SCAMP1: variants seen among roughly 807,000 people sequenced by gnomAD.
SCAMP1 encodes secretory carrier membrane protein 1, also known as secretory carrier-associated membrane protein 1.
A neutral mutation model predicts 41.8 loss-of-function variants in SCAMP1; 15 were observed. The ratio of observed to expected loss-of-function variants is 0.36; its 90% CI spans 0.24 to 0.55. The LOEUF is 0.55. Among genes scored for constraint, SCAMP1 ranks in the 20% least tolerant of loss-of-function variants. The probability of loss-of-function intolerance (pLI) is 0.86; values close to 1 mark genes in which losing one functional copy is unlikely to be tolerated. For missense variants in SCAMP1, 341 were observed against 412.6 expected (o/e 0.83, Z 1.50); for synonymous variants, 135 against 136.8 (o/e 0.99, Z 0.09).
At chr5:78,376,427 T>A (rs1207564232) in intron 1 of SCAMP1, among the ~76,000 whole-genome samples, 1 of 152,216 alleles carries the variant, frequency 6.6e-6, no homozygotes, top group East Asian at 1.9e-4. Flanking sequence ...AATGCATTAC[T>A]ACAACAGTAG....
intron 1 of SCAMP1, among the ~76,000 whole-genome samples, chr5:78,362,977 C>G (rs1750696705): frequency 6.7e-6 from 1 of 150,166 alleles, no homozygotes; most frequent in Non-Finnish European, 1.5e-5. Flanking sequence ...ACCACAACCT[C>G]TGCCTCCCGT....
chr5:78,443,002 C>T (rs532213083), intron 6 of SCAMP1, among the ~76,000 whole-genome samples: 6 of 152,116 alleles, frequency 3.9e-5, no homozygotes, highest in Non-Finnish European at 8.8e-5. Context: ...GTCAGGAGTT[C>T]GAGACCATCT....
chr5:78,416,100 A>G (rs1179912348), intron 3 of SCAMP1, among the ~76,000 whole-genome samples: 2 of 152,198 alleles, frequency 1.3e-5, no homozygotes, highest in Admixed American at 1.3e-4. Context: ...ATAACATTTA[A>G]GATATTAGAA....
At chr5:78,450,251 T>G (rs1443176612) in intron 7 of SCAMP1, among the ~76,000 whole-genome samples, 1 of 152,154 alleles carries the variant, frequency 6.6e-6, no homozygotes, top group Non-Finnish European at 1.5e-5. Context: ...ACAGCACATT[T>G]TTTCTAGTTT....
rs542740393 is a variant in SCAMP1 at position 78,478,590 on chromosome 5, G to T, written c.*2922G>T. On this transcript the variant is annotated 3_prime_UTR_variant, in exon 9 of 9. Coordinates refer to ENST00000621999, the MANE Select transcript of SCAMP1 (RefSeq NM_004866.6). ...ATTCAAAATGGAAAACCTATTCATG[G>T]CTCAGATTTTTCATTGTGGGTTAAA... 1 of 152,154 alleles carries T rather than the reference G, an allele frequency of 6.6e-6. No homozygotes were observed. The highest frequency in any genetic ancestry group is 2.4e-5 in the African/African-American group (1 of 41,532). 9.4% of individuals were successfully genotyped at this position (152,154 alleles called of 1,614,324 possible).
rs769304563 is a variant in SCAMP1, at chr5:78,477,987, C to T, written c.*2319C>T. ...AAATGGTCTTCACACAGCAGTCATC[C>T]GTGTCATTTATCATTTTGTAATATT... On this transcript the variant is annotated 3_prime_UTR_variant, in exon 9 of 9. Transcript: ENST00000621999. The T allele has an allele frequency of 1.3e-5, 2 of 152,070 alleles. No individual in the cohort carries two copies. The highest frequency in any genetic ancestry group is 2.9e-5 in the Non-Finnish European group (2 of 67,960). 9.4% of individuals were successfully genotyped at this position (152,070 alleles called of 1,614,324 possible). A position where few individuals can be genotyped will look rare whatever the true frequency, so the allele number is the denominator to read the frequency against.
rs1754010968 is a variant in SCAMP1 at position 78,476,617 on chromosome 5, A to G, written c.*949A>G. Reference sequence around the variant, plus strand: ...TGTGTGTGTGATTTTTAACAGAGGTATTAAAGGCTAGCCTAACTGTTGTCT... The same window carrying G: ...TGTGTGTGTGATTTTTAACAGAGGTGTTAAAGGCTAGCCTAACTGTTGTCT... On this transcript the variant is annotated 3_prime_UTR_variant, in exon 9 of 9. Coordinates refer to ENST00000621999, the MANE Select transcript of SCAMP1 (RefSeq NM_004866.6). The G allele has an allele frequency of 6.6e-6, 1 of 152,492 alleles. No individual in the cohort carries two copies. The highest frequency in any genetic ancestry group is 2.1e-4 in the South Asian group (1 of 4,828). The allele number at this position is 152,492 out of a possible 1,614,324, so 9.4% of individuals were successfully genotyped here.
intron 8 of SCAMP1, among the ~76,000 whole-genome samples, chr5:78,460,886 C>T (rs943542395): frequency 9.3e-5 from 14 of 150,038 alleles, no homozygotes; most frequent in Admixed American, 6.6e-5. Context: ...AAGAGAGTCT[C>T]ACTCTGTCAC....
At position 78,361,228 on chromosome 5, in the gene SCAMP1, G is replaced by A. The variant is rs1048206565; in HGVS notation, c.57+500G>A. On this transcript the variant is annotated intron_variant, in intron 1 of 8. Coordinates refer to ENST00000621999, the MANE Select transcript of SCAMP1 (RefSeq NM_004866.6). ...GAGAGGTGAGGGCACCGAGTATGCT[G>A]CAATTAAAAAAAAAAAGGTTATGTT... Among the ~76,000 whole-genome samples, 8 of 93,576 alleles carry A rather than the reference G, an allele frequency of 8.5e-5. No homozygotes were observed. The South Asian group carries it at 2.0e-3, about 23-fold the overall frequency. 61.4% of individuals were successfully genotyped at this position (93,576 alleles called of 152,430 possible).
At chr5:78,401,240 T>A (rs1033311187) in intron 2 of SCAMP1, among the ~76,000 whole-genome samples, 1 of 152,168 alleles carries the variant, frequency 6.6e-6, no homozygotes, top group Non-Finnish European at 1.5e-5. Context: ...TTCAATCTGC[T>A]GATATTTTGT....
intron 2 of SCAMP1, among the ~76,000 whole-genome samples, chr5:78,410,161 C>T (rs1752038105): frequency 6.7e-6 from 1 of 150,048 alleles, no homozygotes; most frequent in African/African-American, 2.5e-5. Context: ...GGTACATGTG[C>T]AGGATGTGTA....
intron 1 of SCAMP1, among the ~76,000 whole-genome samples, chr5:78,362,644 C>T (rs1047221322): frequency 1.2e-4 from 19 of 152,186 alleles, no homozygotes; most frequent in Non-Finnish European, 8.8e-5. Context: ...ACACATATTT[C>T]TGCTTATGAT....
chr5:78,465,860 A>G (rs1307762372), intron 8 of SCAMP1, among the ~76,000 whole-genome samples: 1 of 152,220 alleles, frequency 6.6e-6, no homozygotes, highest in East Asian at 1.9e-4. Context: ...TCCTCAGAGG[A>G]ACTCCAGTTG....
intron 6 of SCAMP1, among the ~76,000 whole-genome samples, chr5:78,436,305 A>G (rs753745923): frequency 2.0e-4 from 30 of 152,326 alleles, no homozygotes; most frequent in Middle Eastern, 3.4e-3. Flanking sequence ...GCCCATGCCT[A>G]TGTCCTGAAT....
Position 78,369,355 on chromosome 5 carries a change from C to T in SCAMP1, c.57+8627C>T, listed in dbSNP as rs987096546. On this transcript the variant is annotated intron_variant, in intron 1 of 8. Coordinates refer to ENST00000621999, the MANE Select transcript of SCAMP1 (RefSeq NM_004866.6). ...CTCCTGACCTCAGGTGATCTGCCTG[C>T]CTTGGCCTCCCAAAGTGCTGGGATT... 2.6e-5 allele frequency among the ~76,000 whole-genome samples: 4 copies of T among 152,120 alleles called. No individual in the cohort carries two copies. In the East Asian group the frequency reaches 7.7e-4, roughly 29 times the overall value.
At chr5:78,402,041 T>C (rs768306518) in intron 2 of SCAMP1, among the ~76,000 whole-genome samples, 47 of 152,078 alleles carry the variant, frequency 3.1e-4, no homozygotes, top group Non-Finnish European at 6.3e-4. Flanking sequence ...TCCACTTAGC[T>C]CAAAATACTT....
intron 6 of SCAMP1, among the ~76,000 whole-genome samples, chr5:78,431,557 G>A (rs1452076359): frequency 1.7e-5 from 2 of 117,044 alleles, no homozygotes; most frequent in Non-Finnish European, 3.4e-5. Context: ...TTTTGGATCA[G>A]TTGAGTATCT....
intron 1 of SCAMP1, among the ~76,000 whole-genome samples, chr5:78,377,956 C>G (rs1407903814): frequency 6.6e-6 from 1 of 152,122 alleles, no homozygotes; most frequent in African/African-American, 2.4e-5. Context: ...ATACAGGCAG[C>G]CAGCAATCCG....
intron 1 of SCAMP1, among the ~76,000 whole-genome samples, chr5:78,385,795 T>C (rs11742254): frequency 0.28 from 42,740 of 152,032 alleles, 6,317 homozygotes; most frequent in East Asian, 0.54. Context: ...TTTATTCCAC[T>C]GTGGTCTGAA....
Sources: gnomAD v4.1 joint callset for allele counts (sites outside exome capture counted in the v4.1 genomes callset) on GRCh38, gnomAD v4.1.1 for gene constraint, MANE v1.5 for transcripts, NCBI Gene and HGNC (gene_info 2026-07-23, HGNC 2026-07-21) for gene names.